The following DPP4 variants were observed in gnomAD, a reference collection of about 807,000 sequenced individuals.
The protein encoded by DPP4 is ADCP-2.
DPP4 carries 93 observed loss-of-function variants against 122.4 expected under a neutral mutation model. The ratio of observed to expected loss-of-function variants is 0.76; its 90% confidence interval spans 0.64 to 0.90. DPP4 has a LOEUF of 0.90. DPP4 is among the 40% of genes least tolerant of loss of function. DPP4 has a pLI of 0.00. For missense variants in DPP4, 914 were observed against 907.3 expected, an observed-to-expected ratio of 1.01 and a Z score of -0.09; for synonymous variants, 321 against 302.9, an observed-to-expected ratio of 1.06 and a Z score of -0.62.
intron 10 of DPP4, chr2:162,032,226 A>C (rs1244135765): frequency 6.6e-6 from 1 of 152,230 alleles, no homozygotes; most frequent in Non-Finnish European, 1.5e-5. Flanking sequence ...ATAGATTCGT[A>C]CTTGGTCATT....
intron 5 of DPP4, among the ~76,000 whole-genome samples, chr2:162,041,296 A>C (rs1383103623): frequency 6.6e-6 from 1 of 152,170 alleles, no homozygotes; most frequent in East Asian, 1.9e-4. Context: ...ATACTCCTAG[A>C]GGTAAGAAAT....
At chr2:162,017,357 A>G (rs1468165988) in intron 16 of DPP4, 2 of 565,322 alleles carry the variant, frequency 3.5e-6, no homozygotes, top group African/African-American at 1.9e-5. Context: ...TGTAAGAAGT[A>G]TTACTGGAAA....
chr2:162,032,179 T>C (rs988380481), intron 10 of DPP4: 8 of 152,234 alleles, frequency 5.3e-5, no homozygotes, highest in Non-Finnish European at 8.8e-5. Flanking sequence ...CAGTATCTAA[T>C]AGCTTGTTCG....
intron 25 of DPP4, 72 bp downstream of exon 25, chr2:161,994,889 A>G (rs1700959508): frequency 7.0e-7 from 1 of 1,436,330 alleles, no homozygotes; most frequent in Non-Finnish European, 9.8e-7. Context: ...CACTGCTAAA[A>G]GAATTAGCCC....
At position 162,008,618 on chromosome 2, in the gene DPP4, C is replaced by T. The variant is rs2106085556; in HGVS notation, c.1931G>A (p.Ser644Asn). 1.2e-6 allele frequency: 2 copies of T among 1,613,724 alleles called. No individual in the cohort carries two copies. The highest frequency in any genetic ancestry group is 2.2e-5 in the East Asian group (1 of 44,878). Residue 644 changes from serine (S) to asparagine (N), a missense_variant, in exon 22 of 26, where the codon AGT becomes AAT. Transcript: ENST00000360534. ...GGCTATTCCACACTTGAACACGCCA[C>T]TTCCCGATCCCAGGACCATTGAGGT... Reference protein sequence around the residue: ...YVTSMVLGSGSGVFKCGIAVA... With the variant: ...YVTSMVLGSGNGVFKCGIAVA...
At chr2:162,005,611 C>A (rs1701263845) in intron 23 of DPP4, 134 bp downstream of exon 23, 1 of 741,134 alleles carries the variant, frequency 1.3e-6, no homozygotes, top group South Asian at 2.0e-5. Flanking sequence ...ATCTCTAAAC[C>A]ACCTGTGTTA....
chr2:162,010,656 T>G (rs1682667333), intron 20 of DPP4, among the ~76,000 whole-genome samples: 2 of 152,312 alleles, frequency 1.3e-5, no homozygotes, highest in South Asian at 4.1e-4. Flanking sequence ...GCGATCTGGA[T>G]AGATACAAGT....
intron 2 of DPP4, among the ~76,000 whole-genome samples, chr2:162,061,259 G>A (rs1392898364): frequency 6.6e-6 from 1 of 152,166 alleles, no homozygotes; most frequent in East Asian, 1.9e-4. Context: ...TAAGGATGCA[G>A]AGTGTGTACT....
At position 162,039,136 on chromosome 2, in the gene DPP4, T is replaced by C. The variant is rs752158112; in HGVS notation, c.415A>G (p.Lys139Glu). The change falls in exon 6 of 26, where the codon AAA (lysine) becomes GAA (glutamate). Residue 139 changes from lysine to glutamate, a missense_variant. By Grantham distance (56) the Lys-to-Glu change is moderately conservative. Transcript: ENST00000360534. ...TASYDIYDLN[K>E]RQLITEERIP... ...TTTTATTGGGAAGTCACTGACCTTTTATTTAAATCATAAATGTCATATGAA... is the reference window on the plus strand; with the variant it reads ...TTTTATTGGGAAGTCACTGACCTTTCATTTAAATCATAAATGTCATATGAA... 7 of 1,613,070 alleles carry C rather than the reference T, an allele frequency of 4.3e-6. 1 individual carries two copies. In the Admixed American group the frequency reaches 1.2e-4, roughly 27 times the overall value.
At chr2:162,020,729 G>A in intron 12 of DPP4, 41 bp from the exon 13 acceptor site, 1 of 1,462,346 alleles carries the variant, frequency 6.8e-7, no homozygotes. Flanking sequence ...AAAGCACAGT[G>A]TCTCATCTCA....
rs372822740 is a variant in DPP4, at chr2:162,010,628, G to A, written c.1832+1165C>T. Among the ~76,000 whole-genome samples the A allele has an allele frequency of 1.7e-4, 26 of 152,210 alleles. No homozygotes were observed. The East Asian group carries it at 3.1e-3, about 18-fold the overall frequency. ...AGATTTGAGAGACCCTGGAAACTAT[G>A]CCCTCTCTCATAGAGGAGCGATCTG... On this transcript the variant is annotated intron_variant, in intron 20 of 25. Coordinates refer to ENST00000360534, the MANE Select transcript of DPP4 (RefSeq NM_001935.4).
Position 161,995,363 on chromosome 2 carries a change from C to G in DPP4, c.2062G>C (p.Val688Leu). Residue 688 changes from valine (V) to leucine (L), a missense_variant, in exon 24 of 26, where the codon GTC becomes CTC. Val to Leu is a conservative substitution (Grantham distance 32). Transcript: ENST00000360534. ...TTAAAATTTTCAGCTCTGCTCATGA[C>G]TGTTGAATTCTGGAATTGGGAGAAA... ...DNLDHYRNST[V>L]MSRAENFKQV... 6.2e-7 allele frequency: 1 copy of G among 1,613,448 alleles called. No individual in the cohort carries two copies. The highest frequency in any genetic ancestry group is 8.5e-7 in the Non-Finnish European group (1 of 1,179,440).
rs1683032925 is a variant in DPP4, at chr2:162,019,234, C to A, written c.1287G>T (p.Arg429Ser). 6.3e-7 allele frequency: 1 copy of A among 1,597,312 alleles called. No homozygotes were observed. ...SNEYKGMPGG[R>S]NLYKIQLSDY... ...GACAGAGCTCTTACTTATAAAGATT[C>A]CTTCCTCCTGGCATTCCTTTATATT... The change falls in exon 15 of 26, where the codon AGG (arginine) becomes AGT (serine). Residue 429 changes from arginine to serine, a missense_variant. By Grantham distance (110) the Arg-to-Ser change is moderately radical. Transcript: ENST00000360534.
Position 162,073,926 on chromosome 2 carries a change from G to T in DPP4, c.6+50C>A, listed in dbSNP as rs752390585. The T allele has an allele frequency of 2.3e-5, 37 of 1,607,338 alleles. No individual in the cohort carries two copies. In the East Asian group the frequency reaches 2.5e-4, roughly 11 times the overall value. ...TTTTGGGCCATTTGGGGAGTTTGGC[G>T]AAGAGGTCCCCACAGCTCGCCCCGG... On this transcript the variant is annotated intron_variant, in intron 1 of 25. Transcript: ENST00000360534.
chr2:162,018,198 A>G (rs1224841761), intron 16 of DPP4, among the ~76,000 whole-genome samples: 2 of 152,186 alleles, frequency 1.3e-5, no homozygotes, highest in African/African-American at 4.8e-5. Flanking sequence ...TCCCATTTTG[A>G]GAAGTAACCT....
chr2:162,020,080 G>A (rs957353795), intron 14 of DPP4, 149 bp downstream of exon 14: 1 of 641,372 alleles, frequency 1.6e-6, no homozygotes, highest in African/African-American at 1.9e-5. Flanking sequence ...AAATCATTAA[G>A]GCTTCCGTAT....
chr2:162,066,871 C>T (rs797012933), intron 2 of DPP4, among the ~76,000 whole-genome samples: 51 of 152,208 alleles, frequency 3.4e-4, no homozygotes, highest in African/African-American at 1.0e-3. Flanking sequence ...GTTACGGAAA[C>T]GAATAGAGCA....
chr2:162,024,097 G>T (rs1683230815), intron 11 of DPP4, among the ~76,000 whole-genome samples: 1 of 152,210 alleles, frequency 6.6e-6, no homozygotes, highest in African/African-American at 2.4e-5. Context: ...TGGTAGGTGT[G>T]TAGGCAGAGG....
At position 161,993,506 on chromosome 2, in the gene DPP4, C is replaced by T. The variant is rs1700916981; in HGVS notation, c.2200-122G>A. The stretch of plus-strand genomic sequence containing the variant: ...GGTATAAAACAGAGTGTTTTAATTC[C>T]TGAGGCAGTTTATAAACTGAAACGG... On this transcript the variant is annotated intron_variant, in intron 25 of 25. Transcript: ENST00000360534. The T allele has an allele frequency of 1.7e-5, 11 of 663,282 alleles. No individual in the cohort carries two copies. In the South Asian group the frequency reaches 2.3e-4, roughly 14 times the overall value. 41.1% of individuals were successfully genotyped at this position (663,282 alleles called of 1,614,324 possible).
Sources: allele counts gnomAD v4.1 joint callset (sites outside exome capture counted in the v4.1 genomes callset), GRCh38; gene constraint gnomAD v4.1.1; transcripts MANE v1.5; gene names NCBI Gene and HGNC (gene_info 2026-07-23, HGNC 2026-07-21).